The following PLPPR1 variants were observed in gnomAD, a reference collection of about 807,000 sequenced individuals.
PLPPR1 encodes the protein phospholipid phosphatase related 1, also known as phospholipid phosphatase-related protein type 1.
In PLPPR1, 10 loss-of-function variants were observed where a neutral mutation model predicts 33.1. The ratio of observed to expected loss-of-function variants is 0.30; its 90% CI spans 0.19 to 0.51. The LOEUF (loss-of-function observed/expected upper bound fraction) is 0.51. PLPPR1 is among the 20% of genes least tolerant of loss of function. The probability of loss-of-function intolerance (pLI) is 0.97; values close to 1 mark genes in which losing one functional copy is unlikely to be tolerated. For synonymous variants in PLPPR1, 151 were observed against 151.0 expected (o/e 1.00, Z 0.00); for missense variants, 304 against 408.1 (o/e 0.74, Z 2.20).
chr9:101,239,984 A>G (rs1473267379), intron 2 of PLPPR1, among the ~76,000 whole-genome samples: 1 of 151,992 alleles, frequency 6.6e-6, no homozygotes, highest in Non-Finnish European at 1.5e-5. Context: ...CCAATGTCCT[A>G]AAACATTTCT....
Position 101,286,204 on chromosome 9 carries a change from A to G in PLPPR1, c.353A>G (p.Asn118Ser). Residue 118 changes from asparagine to serine, a missense_variant, in exon 4 of 8, where the codon AAC (asparagine) becomes AGC (serine). By Grantham distance (46) the Asn-to-Ser change is conservative. Coordinates refer to ENST00000374874, the MANE Select transcript of PLPPR1 (RefSeq NM_207299.2). ...CTGACCGGAGAATGCTGTTACCTGA[A>G]CCCCTTACTTCGAAGGATCATAAGA... ...TILTGECCYL[N>S]PLLRRIIRFT... 6.2e-7 allele frequency: 1 copy of G among 1,613,816 alleles called. No homozygotes were observed. The highest frequency in any genetic ancestry group is 1.1e-5 in the South Asian group (1 of 91,058).
intron 2 of PLPPR1, among the ~76,000 whole-genome samples, chr9:101,216,048 T>C (rs908234678): frequency 7.9e-5 from 12 of 152,158 alleles, no homozygotes; most frequent in Non-Finnish European, 1.6e-4. Context: ...AATTTTAGTT[T>C]TTTTGAGGAA....
chr9:101,060,266 A>C (rs963330942), intron 1 of PLPPR1, among the ~76,000 whole-genome samples: 1 of 152,036 alleles, frequency 6.6e-6, no homozygotes, highest in Non-Finnish European at 1.5e-5. Flanking sequence ...GGAGTGTCAA[A>C]TAGTTGAATT....
intron 1 of PLPPR1, among the ~76,000 whole-genome samples, chr9:101,039,594 G>T (rs1360982785): frequency 6.6e-6 from 1 of 152,112 alleles, no homozygotes; most frequent in Non-Finnish European, 1.5e-5. Context: ...CTGAGACTGG[G>T]CAATTTACAA....
intron 1 of PLPPR1, among the ~76,000 whole-genome samples, chr9:101,032,549 G>T (rs1829958574): frequency 6.6e-6 from 1 of 152,122 alleles, no homozygotes; most frequent in Non-Finnish European, 1.5e-5. Context: ...TGAGAGTAAG[G>T]CATTCACAGT....
chr9:101,107,847 C>T (rs926192609), intron 1 of PLPPR1, among the ~76,000 whole-genome samples: 8 of 150,712 alleles, frequency 5.3e-5, no homozygotes, highest in African/African-American at 1.7e-4. Context: ...GATATAGTCT[C>T]GTGGTGCGCC....
At chr9:101,179,776 G>A (rs1202454978) in intron 1 of PLPPR1, among the ~76,000 whole-genome samples, 3 of 152,052 alleles carry the variant, frequency 2.0e-5, no homozygotes, top group Non-Finnish European at 4.4e-5. Context: ...AATCCTGAGT[G>A]TGTCTGTGAA....
chr9:101,225,441 C>A (rs1302751640), intron 2 of PLPPR1, among the ~76,000 whole-genome samples: 1 of 152,164 alleles, frequency 6.6e-6, no homozygotes, highest in Non-Finnish European at 1.5e-5. Context: ...GGCTGACTGG[C>A]TCATTCCAAT....
chr9:101,266,412 G>GA (rs56136707), intron 2 of PLPPR1, among the ~76,000 whole-genome samples: 4 of 133,710 alleles, frequency 3.0e-5, no homozygotes, highest in Non-Finnish European at 4.6e-5. Flanking sequence ...AAAAAAGAAA[G>GA]AAAGAAAGAA....
chr9:101,155,083 A>C (rs1831660294), intron 1 of PLPPR1, among the ~76,000 whole-genome samples: 1 of 150,912 alleles, frequency 6.6e-6, no homozygotes, highest in Admixed American at 6.6e-5. Flanking sequence ...CATGTTGTGC[A>C]CATGTACACT....
intron 1 of PLPPR1, among the ~76,000 whole-genome samples, chr9:101,130,885 A>G (rs370510808): frequency 5.9e-5 from 9 of 152,310 alleles, no homozygotes; most frequent in African/African-American, 2.2e-4. Flanking sequence ...TTTGACAGGT[A>G]TGGCTTTAAA....
chr9:101,263,327 A>G (rs537983681), intron 2 of PLPPR1, among the ~76,000 whole-genome samples: 85 of 152,296 alleles, frequency 5.6e-4, no homozygotes, highest in African/African-American at 1.9e-3. Context: ...TCTTATAGAT[A>G]TTGACCACCA....
chr9:101,277,301 T>C (rs904529988), intron 3 of PLPPR1, among the ~76,000 whole-genome samples: 2 of 152,146 alleles, frequency 1.3e-5, no homozygotes, highest in African/African-American at 2.4e-5. Flanking sequence ...TGTTAGAATA[T>C]CTAGAGTGTG....
intron 1 of PLPPR1, among the ~76,000 whole-genome samples, chr9:101,070,159 G>A (rs1197358230): frequency 2.6e-5 from 4 of 152,050 alleles, no homozygotes; most frequent in Admixed American, 2.6e-4. Context: ...AAGGAATGGG[G>A]AGACATGCTC....
intron 1 of PLPPR1, among the ~76,000 whole-genome samples, chr9:101,174,344 A>T (rs1825988650): frequency 6.6e-6 from 1 of 152,204 alleles, no homozygotes; most frequent in South Asian, 2.1e-4. Flanking sequence ...CGTTTTAAAA[A>T]GATTAATTCA....
intron 1 of PLPPR1, among the ~76,000 whole-genome samples, chr9:101,117,090 C>G (rs1469403770): frequency 5.9e-5 from 9 of 151,972 alleles, no homozygotes. Flanking sequence ...TAAGGGTTCT[C>G]TTATAAAAGG....
chr9:101,036,709 A>C (rs1299952207), intron 1 of PLPPR1, among the ~76,000 whole-genome samples: 1 of 151,322 alleles, frequency 6.6e-6, no homozygotes, highest in Non-Finnish European at 1.5e-5. Flanking sequence ...GCCAAAAAAA[A>C]AAAAAAAAAA....
intron 2 of PLPPR1, among the ~76,000 whole-genome samples, chr9:101,250,168 C>G (rs1366231182): frequency 6.6e-6 from 1 of 151,918 alleles, no homozygotes; most frequent in African/African-American, 2.4e-5. Flanking sequence ...CTAGCTCTTC[C>G]TCCCTTCTCA....
chr9:101,079,953 A>T (rs1830598670), intron 1 of PLPPR1, among the ~76,000 whole-genome samples: 3 of 152,118 alleles, frequency 2.0e-5, no homozygotes, highest in African/African-American at 7.2e-5. Flanking sequence ...ATTCTCCCTA[A>T]AATTCTGAAA....
Sources: allele counts gnomAD v4.1 joint callset (sites outside exome capture counted in the v4.1 genomes callset), GRCh38; gene constraint gnomAD v4.1.1; transcripts MANE v1.5; gene names NCBI Gene and HGNC (gene_info 2026-07-23, HGNC 2026-07-21).